Variants in GSTA5 observed in about 807,000 individuals in gnomAD.
The protein encoded by GSTA5 is glutathione S-transferase alpha 5.
GSTA5 carries 25 observed loss-of-function variants against 21.8 expected under a neutral mutation model. The observed-to-expected ratio is 1.14, with a 90% CI of 0.83 to 1.60. The LOEUF is 1.60. Ranked by LOEUF, GSTA5 falls within the 40% of genes most tolerant of loss-of-function variation. The pLI is 0.00. For missense variants in GSTA5, 330 were observed against 259.2 expected, an observed-to-expected ratio of 1.27 and a Z score of -1.88; for synonymous variants, 102 against 89.5, an observed-to-expected ratio of 1.14 and a Z score of -0.78.
chr6:52,836,461 G>A (rs1416005411), intron 2 of GSTA5, 93 bp from the exon 3 acceptor site: 6 of 1,299,988 alleles, frequency 4.6e-6, no homozygotes, highest in African/African-American at 4.5e-5. Flanking sequence ...CTAAATTTGT[G>A]AAATGAAAAA....
chr6:52,832,482 C>T (rs1171908502), intron 5 of GSTA5, among the ~76,000 whole-genome samples: 1 of 152,204 alleles, frequency 6.6e-6, no homozygotes, highest in East Asian at 1.9e-4. Context: ...GGGAGGAAAC[C>T]AGATGGAAAG....
At chr6:52,843,673 T>A (rs905263861), upstream of GSTA5, among the ~76,000 whole-genome samples, 1 of 152,202 alleles carries the variant, frequency 6.6e-6, no homozygotes, top group Non-Finnish European at 1.5e-5. Context: ...ATTTTGATGT[T>A]GTACTTTCCT....
chr6:52,837,381 T>A lies in GSTA5; in HGVS notation c.139+177A>T, dbSNP rs41273856. ...TCTGAGAGGTCTGGTCCTTTTAGCT[T>A]GGAGAGAGTTGCCAGACCTGATCAA... On this transcript the variant is annotated intron_variant, in intron 2 of 5. Transcript: ENST00000370989. Among the ~76,000 whole-genome samples the A allele has an allele frequency of 9.5e-3, 1,453 of 152,302 alleles. 10 individuals carry two copies. The highest frequency in any genetic ancestry group is 0.016 in the Non-Finnish European group (1,083 of 68,020).
chr6:52,834,726 A>G (rs185038886), intron 3 of GSTA5, among the ~76,000 whole-genome samples: 113 of 152,310 alleles, frequency 7.4e-4, no homozygotes, highest in African/African-American at 2.6e-3. Context: ...AATCCCTGGC[A>G]CAGCCATCTC....
chr6:52,837,630 T>C lies in GSTA5; in HGVS notation c.88-21A>G, dbSNP rs148560087. On this transcript the variant is annotated intron_variant, in intron 1 of 5. Coordinates refer to ENST00000370989, the Ensembl canonical transcript of GSTA5. ...TCCAACTGGAAGCAGAAACAGTAAA[T>C]GGGTTCTTCTTAGTTAATTCTATTA... 8 of 1,571,282 alleles carry C rather than the reference T, an allele frequency of 5.1e-6. No individual in the cohort carries two copies. In the African/African-American group the frequency reaches 5.4e-5, roughly 11 times the overall value.
exon 6 of GSTA5, chr6:52,831,796 G>T: frequency 1.2e-6 from 2 of 1,604,840 alleles, no homozygotes; most frequent in Admixed American, 1.7e-5. Flanking sequence ...CTTCATTGTT[G>T]CAAACTGTAG....
chr6:52,842,146 T>A (rs1421049350), upstream of GSTA5, among the ~76,000 whole-genome samples: 1 of 152,138 alleles, frequency 6.6e-6, no homozygotes, highest in African/African-American at 2.4e-5. Flanking sequence ...CCAGGCTGTT[T>A]GGGAGGTGGA....
intron 2 of GSTA5, among the ~76,000 whole-genome samples, chr6:52,837,330 C>T (rs377405465): frequency 3.9e-5 from 6 of 152,120 alleles, no homozygotes; most frequent in African/African-American, 4.8e-5. Context: ...TCCCCGGGGG[C>T]GGGATATCAT....
chr6:52,834,369 A>G, intron 3 of GSTA5, 87 bp from the exon 4 acceptor site: 2 of 1,358,890 alleles, frequency 1.5e-6, no homozygotes, highest in South Asian at 2.8e-5. Flanking sequence ...AGAGGGTCAG[A>G]TGGTGGCAAA....
In GSTA5 at chr6:52,833,005, G is replaced by A. The variant is rs1281573377; in HGVS notation, c.415-15C>T. ...CTCTTTAAGACCTGGAGAATTGGAG[G>A]AATCAGATCAGGAACACATGCACAC... On this transcript the variant is annotated splice_polypyrimidine_tract_variant and intron_variant, in intron 4 of 5. Transcript: ENST00000370989. 1 of 1,613,916 alleles carries A rather than the reference G, an allele frequency of 6.2e-7. No individual in the cohort carries two copies. The highest frequency in any genetic ancestry group is 1.3e-5 in the African/African-American group (1 of 75,024).
chr6:52,837,503 C>A, intron 2 of GSTA5, 55 bp downstream of exon 2: 1 of 1,169,342 alleles, frequency 8.6e-7, no homozygotes, highest in Non-Finnish European at 1.3e-6. Flanking sequence ...GCTCAACGTT[C>A]CTCTGTACCT....
chr6:52,839,511 G>T (rs1330395581), intron 1 of GSTA5, among the ~76,000 whole-genome samples: 1 of 152,180 alleles, frequency 6.6e-6, no homozygotes, highest in Non-Finnish European at 1.5e-5. Flanking sequence ...AAAGTCCCAA[G>T]CCTTCGTGAA....
chr6:52,842,300 T>G (rs191957790), upstream of GSTA5, among the ~76,000 whole-genome samples: 4 of 152,230 alleles, frequency 2.6e-5, no homozygotes, highest in African/African-American at 9.6e-5. Flanking sequence ...GCATATTCTC[T>G]CCAAACCCCC....
At position 52,837,761 on chromosome 6, in the gene GSTA5, A is replaced by T. The variant is rs1764314158; in HGVS notation, c.88-152T>A. 3 of 571,240 alleles carry T rather than the reference A, an allele frequency of 5.3e-6. No individual in the cohort carries two copies. In the Admixed American group the frequency reaches 9.0e-5, roughly 17 times the overall value. The allele number at this position is 571,240 out of a possible 1,614,324, so 35.4% of individuals were successfully genotyped here. A position where few individuals can be genotyped will look rare whatever the true frequency, so the allele number is the denominator to read the frequency against. On this transcript the variant is annotated intron_variant, in intron 1 of 5. Transcript: ENST00000370989. Reference sequence around the variant, plus strand: ...AGGGGGCTGGTAATGGCCATTTGGAAGTTTAGACCTAATTCATTGAGAAAA... The same window carrying T: ...AGGGGGCTGGTAATGGCCATTTGGATGTTTAGACCTAATTCATTGAGAAAA...
chr6:52,841,622 G>T (rs978821841), upstream of GSTA5, among the ~76,000 whole-genome samples: 1 of 152,232 alleles, frequency 6.6e-6, no homozygotes, highest in African/African-American at 2.4e-5. Flanking sequence ...TGGCAAAAGA[G>T]ATGTTGCTGC....
At chr6:52,832,444 A>G (rs1474639273) in intron 5 of GSTA5, among the ~76,000 whole-genome samples, 3 of 152,162 alleles carry the variant, frequency 2.0e-5, no homozygotes, top group Admixed American at 1.3e-4. Flanking sequence ...AGAGGACCAC[A>G]ATGTCTGACA....
In GSTA5 at chr6:52,832,996, G is replaced by A; in HGVS notation, c.415-6C>T. 1 of 1,613,992 alleles carries A rather than the reference G, an allele frequency of 6.2e-7. No homozygotes were observed. On this transcript the variant is annotated splice_polypyrimidine_tract_variant and splice_region_variant and intron_variant, in intron 4 of 5. Coordinates refer to ENST00000370989, the Ensembl canonical transcript of GSTA5. ...TGTCTGTGGCTCTTTAAGACCTGGA[G>A]AATTGGAGGAATCAGATCAGGAACA...
upstream of GSTA5, among the ~76,000 whole-genome samples, chr6:52,841,999 C>G (rs1764383202): frequency 6.6e-6 from 1 of 152,168 alleles, no homozygotes; most frequent in Non-Finnish European, 1.5e-5. Context: ...AGTAATGTTT[C>G]ATGAGTTGTT....
At chr6:52,840,527 G>A (rs1764357726) in intron 1 of GSTA5, among the ~76,000 whole-genome samples, 200 bp downstream of exon 1, 1 of 151,984 alleles carries the variant, frequency 6.6e-6, no homozygotes, top group Non-Finnish European at 1.5e-5. Flanking sequence ...TTTCTTAATT[G>A]TATTTTAATA....
Sources: gnomAD v4.1 joint callset for allele counts (sites outside exome capture counted in the v4.1 genomes callset) on GRCh38, gnomAD v4.1.1 for gene constraint, MANE v1.5 for transcripts, NCBI Gene and HGNC (gene_info 2026-07-23, HGNC 2026-07-21) for gene names.